The following RNF6 variants were observed in gnomAD, a reference collection of about 807,000 sequenced individuals.
RNF6 encodes the protein ring finger protein 6.
A neutral mutation model predicts 50.1 loss-of-function variants in RNF6; 21 were observed. That is an observed-to-expected ratio of 0.42 (90% CI 0.30 to 0.60). The LOEUF (loss-of-function observed/expected upper bound fraction) is 0.60. RNF6 is among the 20% of genes least tolerant of loss of function. The pLI, the probability that RNF6 is intolerant of heterozygous loss-of-function variation, is 0.20. For synonymous variants in RNF6, 255 were observed against 291.8 expected (o/e 0.87, Z 1.29); for missense variants, 698 against 838.2 (o/e 0.83, Z 2.07).
chr13:26,218,713 T>A (rs1042850148), intron 3 of RNF6, 107 bp from the exon 4 acceptor site: 3 of 779,468 alleles, frequency 3.8e-6, no homozygotes, highest in Non-Finnish European at 6.5e-6. Context: ...AAATGTCTTA[T>A]TACTTTCATA....
chr13:26,219,424 A>G (rs751684535), intron 3 of RNF6, 33 bp downstream of exon 3: 4 of 1,503,688 alleles, frequency 2.7e-6, no homozygotes, highest in Non-Finnish European at 3.6e-6. Context: ...AAATGATGAA[A>G]AAAGGGTGTT....
chr13:26,205,386 T>G (rs571955641), intron 5 of RNF6, among the ~76,000 whole-genome samples: 1 of 152,234 alleles, frequency 6.6e-6, no homozygotes, highest in Non-Finnish European at 1.5e-5. Flanking sequence ...TGAGGCTCAA[T>G]GTTATAAAAT....
intron 5 of RNF6, among the ~76,000 whole-genome samples, chr13:26,147,685 C>T (rs1416837161): frequency 6.6e-6 from 1 of 152,176 alleles, no homozygotes; most frequent in Non-Finnish European, 1.5e-5. Context: ...GTAGAACTCC[C>T]TGTGAAGCTG....
At chr13:26,200,373 G>A (rs1868846939) in intron 5 of RNF6, among the ~76,000 whole-genome samples, 1 of 151,106 alleles carries the variant, frequency 6.6e-6, no homozygotes, top group Non-Finnish European at 1.5e-5. Flanking sequence ...CCCCACACTT[G>A]GTTTAATATT....
intron 5 of RNF6, among the ~76,000 whole-genome samples, chr13:26,197,290 A>G (rs1285988906): frequency 6.6e-6 from 1 of 151,858 alleles, no homozygotes; most frequent in Non-Finnish European, 1.5e-5. Context: ...TTCCTAGAGT[A>G]TTTACCTTAA....
intron 5 of RNF6, among the ~76,000 whole-genome samples, chr13:26,197,505 A>ATATT (rs1868711501): frequency 6.6e-6 from 1 of 151,894 alleles, no homozygotes. Flanking sequence ...TGGCCTAATT[A>ATATT]TATTTACATT....
At position 26,219,599 on chromosome 13, in the gene RNF6, A is replaced by G; in HGVS notation, c.51T>C (p.Pro17=). The G allele has an allele frequency of 1.9e-6, 3 of 1,613,848 alleles. No individual in the cohort carries two copies. Among genetic ancestry groups the G allele is most frequent in the Non-Finnish European group, 2.5e-6 (3 of 1,179,916 alleles). The change falls in exon 3 of 5, where the codon CCT becomes CCC. Residue 17 remains proline, a synonymous_variant. Transcript: ENST00000381588. ...CATTTTCATGATGATTATGGTCTTG[A>G]GGTAAGGTTTCTTCACTGCCACCAT... ...RSDGGSEETL[P]QDHNHHENER...
At chr13:26,138,833 C>G (rs1870783436) in intron 5 of RNF6, among the ~76,000 whole-genome samples, 1 of 152,170 alleles carries the variant, frequency 6.6e-6, no homozygotes, top group African/African-American at 2.4e-5. Context: ...TTTCTGGATT[C>G]TCCACTGTCT....
chr13:26,172,354 C>T (rs1872733325), intron 5 of RNF6, among the ~76,000 whole-genome samples: 1 of 151,956 alleles, frequency 6.6e-6, no homozygotes. Flanking sequence ...ATAGGAAAAG[C>T]AAAACTTTAA....
intron 5 of RNF6, among the ~76,000 whole-genome samples, chr13:26,171,257 A>G (rs1872684791): frequency 6.6e-6 from 1 of 152,250 alleles, no homozygotes; most frequent in African/African-American, 2.4e-5. Flanking sequence ...TCAAAAGCAT[A>G]TATACAAATA....
chr13:26,165,727 G>A (rs1872420266), intron 5 of RNF6, among the ~76,000 whole-genome samples: 1 of 152,234 alleles, frequency 6.6e-6, no homozygotes, highest in South Asian at 2.1e-4. Flanking sequence ...CATGGGGCCT[G>A]TAGCCCCTTT....
At chr13:26,141,926 G>A (rs7329094) in intron 5 of RNF6, among the ~76,000 whole-genome samples, 24,736 of 151,970 alleles carry the variant, frequency 0.16, 2,098 homozygotes, top group Admixed American at 0.21. Context: ...GAAACTATCA[G>A]AAGAGTACAG....
At chr13:26,219,777 A>G in intron 2 of RNF6, 110 bp from the exon 3 acceptor site, 1 of 943,234 alleles carries the variant, frequency 1.1e-6, no homozygotes, top group Non-Finnish European at 1.6e-6. Flanking sequence ...CCCCTACCCA[A>G]ATACTGTATT....
chr13:26,163,567 A>C (rs1872314566), intron 5 of RNF6, among the ~76,000 whole-genome samples: 1 of 152,334 alleles, frequency 6.6e-6, no homozygotes, highest in South Asian at 2.1e-4. Context: ...AATTTTAAAA[A>C]GAAAGAGCAC....
In RNF6 at chr13:26,186,665, A is replaced by G. The variant is rs112087406; in HGVS notation, n.768+28809T>C. 6.2e-3 allele frequency among the ~76,000 whole-genome samples: 949 copies of G among 152,150 alleles called. 8 individuals are homozygous for G. Among genetic ancestry groups the G allele is most frequent in the Middle Eastern group, 0.048 (14 of 294 alleles). ...CTCACAGGGCCCGCAGCGGCGCTATACCTTCGGCCACAGGTAGCGCGTTCC... is the reference window on the plus strand; with the variant it reads ...CTCACAGGGCCCGCAGCGGCGCTATGCCTTCGGCCACAGGTAGCGCGTTCC... On this transcript the variant is annotated intron_variant and non_coding_transcript_variant, in intron 5 of 5. Transcript: ENST00000468480.
chr13:26,150,771 C>T (rs1265478848), intron 5 of RNF6: 7 of 151,550 alleles, frequency 4.6e-5, no homozygotes, highest in African/African-American at 1.5e-4. Flanking sequence ...CAAGGCTATA[C>T]TTTTGAGAAC....
At chr13:26,194,505 A>C (rs1002371603) in intron 5 of RNF6, among the ~76,000 whole-genome samples, 3 of 152,176 alleles carry the variant, frequency 2.0e-5, no homozygotes, top group Non-Finnish European at 1.5e-5. Flanking sequence ...ACATCACTAA[A>C]GGCCTGTTTA....
chr13:26,158,725 G>A (rs1872063444), intron 5 of RNF6, among the ~76,000 whole-genome samples: 1 of 151,618 alleles, frequency 6.6e-6, no homozygotes. Flanking sequence ...CTGTGTGTGG[G>A]TGTGTGTGTG....
chr13:26,180,656 T>C (rs1873191142), intron 5 of RNF6, among the ~76,000 whole-genome samples: 1 of 152,248 alleles, frequency 6.6e-6, no homozygotes, highest in Admixed American at 6.5e-5. Context: ...TTTATGTCCG[T>C]ATTCCAGACA....
Sources: gnomAD v4.1 joint callset for allele counts (sites outside exome capture counted in the v4.1 genomes callset) on GRCh38, gnomAD v4.1.1 for gene constraint, MANE v1.5 for transcripts, NCBI Gene and HGNC (gene_info 2026-07-23, HGNC 2026-07-21) for gene names.